ZFAND6: variants seen among roughly 807,000 people sequenced by gnomAD.
ZFAND6 encodes the protein AN1-type zinc finger protein 6.
A neutral mutation model predicts 24.5 loss-of-function variants in ZFAND6; 12 were observed. That is an observed-to-expected ratio of 0.49 (90% CI 0.31 to 0.79). ZFAND6 has a LOEUF of 0.79. ZFAND6 is among the 30% of genes least tolerant of loss of function. The pLI is 0.04. For missense variants in ZFAND6, 207 were observed against 245.9 expected (o/e 0.84, Z 1.06); for synonymous variants, 92 against 81.5 (o/e 1.13, Z -0.69).
chr15:80,079,649 CTT>C (rs574842440), intron 1 of ZFAND6, among the ~76,000 whole-genome samples: 10 of 120,404 alleles, frequency 8.3e-5, no homozygotes, highest in Admixed American at 1.8e-4. Context: ...TTTTCCTTAG[CTT>C]TTTTTTTTTT....
At chr15:80,064,338 A>C (rs933492315) in intron 1 of ZFAND6, among the ~76,000 whole-genome samples, 2 of 152,152 alleles carry the variant, frequency 1.3e-5, no homozygotes, top group Admixed American at 1.3e-4. Flanking sequence ...CATTTCTTGT[A>C]TATCTTTACC....
At chr15:80,105,114 A>C (rs566739185) in intron 2 of ZFAND6, among the ~76,000 whole-genome samples, 2 of 152,338 alleles carry the variant, frequency 1.3e-5, no homozygotes, top group South Asian at 4.1e-4. Flanking sequence ...TAGTCTAGGC[A>C]CACAGAAGTC....
At chr15:80,102,623 A>G (rs1024922846) in intron 2 of ZFAND6, among the ~76,000 whole-genome samples, 3 of 152,200 alleles carry the variant, frequency 2.0e-5, no homozygotes, top group Admixed American at 6.5e-5. Flanking sequence ...TGGCACATTA[A>G]TTTAGAGTCT....
chr15:80,066,077 T>C (rs2036614328), intron 1 of ZFAND6, among the ~76,000 whole-genome samples: 1 of 152,164 alleles, frequency 6.6e-6, no homozygotes, highest in South Asian at 2.1e-4. Flanking sequence ...TGCCAAGTGC[T>C]GAGGACACAA....
intron 1 of ZFAND6, chr15:80,060,798 G>T (rs8034878): frequency 0.68 from 103,444 of 152,130 alleles, 35,554 homozygotes; most frequent in Admixed American, 0.79. Context: ...GGCGGGCGCC[G>T]GTAGTCCCAG....
intron 1 of ZFAND6, among the ~76,000 whole-genome samples, chr15:80,090,825 C>G (rs1300837046): frequency 6.6e-6 from 1 of 152,204 alleles, no homozygotes; most frequent in African/African-American, 2.4e-5. Context: ...CATGTATCTT[C>G]AGGCAACCCA....
chr15:80,112,675 C>G (rs941687009), intron 2 of ZFAND6: 1 of 431,138 alleles, frequency 2.3e-6, no homozygotes. Context: ...GGATTACAGG[C>G]GTGAGCCCCT....
intron 5 of ZFAND6, among the ~76,000 whole-genome samples, chr15:80,127,972 G>A (rs1284903031): frequency 1.3e-5 from 2 of 152,148 alleles, no homozygotes; most frequent in Non-Finnish European, 2.9e-5. Flanking sequence ...AAAAAAAAAT[G>A]TGGTATATCC....
At chr15:80,122,872 T>TA in intron 5 of ZFAND6, 72 bp downstream of exon 5, 2 of 1,218,760 alleles carry the variant, frequency 1.6e-6, no homozygotes, top group South Asian at 1.5e-5. Flanking sequence ...GGTGCATGTA[T>TA]AAAAAAATTG....
intron 5 of ZFAND6, chr15:80,130,828 A>G (rs1024794029): frequency 2.2e-4 from 43 of 194,302 alleles, no homozygotes; most frequent in African/African-American, 7.2e-4. Context: ...GCATATGGCT[A>G]TTGTCTTGCA....
At chr15:80,122,308 C>T (rs1359141089) in intron 4 of ZFAND6, among the ~76,000 whole-genome samples, 1 of 151,576 alleles carries the variant, frequency 6.6e-6, no homozygotes, top group African/African-American at 2.4e-5. Context: ...TTTTAGGAAC[C>T]AATATATTAA....
intron 1 of ZFAND6, among the ~76,000 whole-genome samples, chr15:80,066,898 CAAAAAAA>C (rs550502301): frequency 1.3e-4 from 15 of 115,130 alleles, no homozygotes; most frequent in Admixed American, 3.6e-4. Flanking sequence ...CTCCATCTCC[CAAAAAAA>C]AAAAAAAAAA....
chr15:80,118,838 C>T lies in ZFAND6; in HGVS notation c.-17-1490C>T, dbSNP rs372640647. ...CATTATTGCTCTTGGTTCTGAAATA[C>T]GTATAAATCCTCACTACCCATCAAC... On this transcript the variant is annotated intron_variant, in intron 2 of 6. Coordinates refer to ENST00000261749, the MANE Select transcript of ZFAND6 (RefSeq NM_019006.4). 9.9e-5 allele frequency among the ~76,000 whole-genome samples: 15 copies of T among 152,072 alleles called. No individual in the cohort carries two copies. The East Asian group carries it at 1.2e-3, about 12-fold the overall frequency.
At chr15:80,101,086 A>T (rs998783068) in intron 2 of ZFAND6, among the ~76,000 whole-genome samples, 1 of 152,238 alleles carries the variant, frequency 6.6e-6, no homozygotes, top group Non-Finnish European at 1.5e-5. Context: ...TTAAGGCTTT[A>T]GGATTAAGAA....
chr15:80,129,858 A>C (rs2040518790), intron 5 of ZFAND6: 1 of 152,264 alleles, frequency 6.6e-6, no homozygotes, highest in Admixed American at 6.5e-5. Flanking sequence ...CAGGAGGGGC[A>C]TAGAAAGAGT....
intron 6 of ZFAND6, among the ~76,000 whole-genome samples, chr15:80,134,553 C>T (rs1172116440): frequency 6.6e-6 from 1 of 152,208 alleles, no homozygotes; most frequent in South Asian, 2.1e-4. Flanking sequence ...TGTGAAAGCT[C>T]TCAAGCCTGA....
chr15:80,082,725 T>C (rs188656300), intron 1 of ZFAND6, among the ~76,000 whole-genome samples: 1 of 152,336 alleles, frequency 6.6e-6, no homozygotes, highest in East Asian at 1.9e-4. Flanking sequence ...TGGAAACTGG[T>C]AAGAGTTCCA....
intron 1 of ZFAND6, among the ~76,000 whole-genome samples, chr15:80,066,178 A>C (rs1487438191): frequency 1.3e-5 from 2 of 152,178 alleles, no homozygotes; most frequent in Non-Finnish European, 2.9e-5. Context: ...GATTTCGACA[A>C]GTGTCTAGGA....
At chr15:80,066,478 A>G (rs1273502166) in intron 1 of ZFAND6, among the ~76,000 whole-genome samples, 1 of 151,622 alleles carries the variant, frequency 6.6e-6, no homozygotes, top group Non-Finnish European at 1.5e-5. Context: ...ATGCCCAGCT[A>G]ATTTTTGTAT....
Sources: gnomAD v4.1 joint callset for allele counts (sites outside exome capture counted in the v4.1 genomes callset) on GRCh38, gnomAD v4.1.1 for gene constraint, MANE v1.5 for transcripts, NCBI Gene and HGNC (gene_info 2026-07-23, HGNC 2026-07-21) for gene names.